CDKAL1: variants seen among roughly 807,000 people sequenced by gnomAD.
The protein encoded by CDKAL1 is CDKAL1 threonylcarbamoyladenosine tRNA methylthiotransferase, also known as threonylcarbamoyladenosine tRNA methylthiotransferase.
In CDKAL1, 32 loss-of-function variants were observed where a neutral mutation model predicts 68.2. The ratio of observed to expected loss-of-function variants is 0.47; its 90% CI spans 0.35 to 0.63. CDKAL1 has a LOEUF of 0.63. CDKAL1 is among the 30% of genes least tolerant of loss of function. The probability of loss-of-function intolerance (pLI) is 0.00; values close to 1 mark genes in which losing one functional copy is unlikely to be tolerated. For missense variants in CDKAL1, 606 were observed against 696.7 expected, an observed-to-expected ratio of 0.87 and a Z score of 1.47; for synonymous variants, 234 against 244.3, an observed-to-expected ratio of 0.96 and a Z score of 0.39.
At chr6:21,156,431 A>G (rs1402276682) in intron 13 of CDKAL1, among the ~76,000 whole-genome samples, 3 of 151,474 alleles carry the variant, frequency 2.0e-5, no homozygotes, top group Non-Finnish European at 4.4e-5. Context: ...CTCCAAAAAA[A>G]AAAAAAAAAA....
At chr6:20,936,110 C>A (rs550393917) in intron 9 of CDKAL1, among the ~76,000 whole-genome samples, 1 of 152,192 alleles carries the variant, frequency 6.6e-6, no homozygotes, top group South Asian at 2.1e-4. Flanking sequence ...TTATTCTTTT[C>A]TAATGCCTGC....
At chr6:21,217,579 C>A (rs1345812950) in intron 15 of CDKAL1, among the ~76,000 whole-genome samples, 1 of 152,088 alleles carries the variant, frequency 6.6e-6, no homozygotes, top group Non-Finnish European at 1.5e-5. Context: ...CTCACTGCAA[C>A]CTCTGCCTCC....
chr6:21,003,371 T>TATATATACAC lies in CDKAL1; in HGVS notation c.1055+3000_1055+3001insTATATACACA. Among the ~76,000 whole-genome samples, 50 of 49,276 alleles carry TATATATACAC rather than the reference T, an allele frequency of 1.0e-3. 1 individual carries two copies. The highest frequency in any genetic ancestry group is 6.0e-3 in the East Asian group (7 of 1,162). The allele number at this position is 49,276 out of a possible 152,430, so 32.3% of individuals were successfully genotyped here. The stretch of plus-strand genomic sequence containing the variant: ...ATATATATATATATATATATATATA[T>TATATATACAC]ACACACACACACACACACATATATA... On this transcript the variant is annotated intron_variant, in intron 11 of 15. Coordinates refer to ENST00000274695, the MANE Select transcript of CDKAL1 (RefSeq NM_017774.3).
At chr6:20,987,076 G>C (rs1237725032) in intron 10 of CDKAL1, among the ~76,000 whole-genome samples, 1 of 152,120 alleles carries the variant, frequency 6.6e-6, no homozygotes, top group African/African-American at 2.4e-5. Flanking sequence ...TTTGTCTATA[G>C]TTGATTGGTT....
At chr6:20,554,262 T>G (rs975640761) in intron 4 of CDKAL1, among the ~76,000 whole-genome samples, 2 of 152,356 alleles carry the variant, frequency 1.3e-5, no homozygotes, top group Non-Finnish European at 2.9e-5. Flanking sequence ...ATAATTAGAT[T>G]AGTATCTTGG....
intron 11 of CDKAL1, among the ~76,000 whole-genome samples, chr6:21,039,878 C>T (rs1300008239): frequency 6.6e-6 from 1 of 152,066 alleles, no homozygotes; most frequent in African/African-American, 2.4e-5. Flanking sequence ...CCATGCATGA[C>T]AGTTTTAATG....
At chr6:21,127,330 T>C (rs1039419755) in intron 13 of CDKAL1, among the ~76,000 whole-genome samples, 9 of 152,354 alleles carry the variant, frequency 5.9e-5, no homozygotes, top group East Asian at 1.9e-4. Flanking sequence ...TTGAGTAATA[T>C]ATATTTAATT....
intron 4 of CDKAL1, among the ~76,000 whole-genome samples, chr6:20,586,646 A>C (rs948288659): frequency 6.6e-6 from 1 of 152,192 alleles, no homozygotes. Flanking sequence ...CAAAACAAAC[A>C]TAAAAAAAGG....
chr6:20,923,253 T>A (rs1581837879), intron 9 of CDKAL1, among the ~76,000 whole-genome samples: 1 of 152,164 alleles, frequency 6.6e-6, no homozygotes, highest in African/African-American at 2.4e-5. Flanking sequence ...GTATACCTCC[T>A]TTTATTGCAC....
intron 4 of CDKAL1, among the ~76,000 whole-genome samples, chr6:20,592,718 C>T (rs1477217578): frequency 1.3e-5 from 2 of 152,222 alleles, no homozygotes; most frequent in Admixed American, 6.5e-5. Context: ...CCACCCGCCT[C>T]GGCTTCCCAA....
At chr6:20,720,129 A>G (rs1772274496) in intron 5 of CDKAL1, among the ~76,000 whole-genome samples, 1 of 152,138 alleles carries the variant, frequency 6.6e-6, no homozygotes, top group Admixed American at 6.5e-5. Flanking sequence ...CTTATGGCAT[A>G]GGGAAGTTAC....
chr6:20,864,092 A>G (rs368878927), intron 9 of CDKAL1, among the ~76,000 whole-genome samples: 1 of 152,172 alleles, frequency 6.6e-6, no homozygotes, highest in Non-Finnish European at 1.5e-5. Flanking sequence ...AATTTCACTT[A>G]CCGTATTAGC....
intron 8 of CDKAL1, among the ~76,000 whole-genome samples, chr6:20,826,062 A>T (rs1777491172): frequency 6.6e-6 from 1 of 152,166 alleles, no homozygotes; most frequent in South Asian, 2.1e-4. Flanking sequence ...TTTCAAACAG[A>T]ACCTTGCTTA....
chr6:20,907,186 A>G (rs75374516), intron 9 of CDKAL1, among the ~76,000 whole-genome samples: 4,045 of 152,280 alleles, frequency 0.027, 178 homozygotes, highest in African/African-American at 0.088. Flanking sequence ...GAATCATTCA[A>G]TATGTCTTAA....
chr6:20,696,066 C>T (rs140152313), intron 5 of CDKAL1, among the ~76,000 whole-genome samples: 1 of 152,332 alleles, frequency 6.6e-6, no homozygotes, highest in Non-Finnish European at 1.5e-5. Context: ...TTGTAAAAGC[C>T]ATTGCCACAT....
chr6:20,560,690 C>T (rs1364938796), intron 4 of CDKAL1, among the ~76,000 whole-genome samples: 2 of 152,104 alleles, frequency 1.3e-5, no homozygotes, highest in Non-Finnish European at 2.9e-5. Flanking sequence ...TTAAAAATTT[C>T]CCACCAATTC....
chr6:20,579,482 A>G (rs759188742), intron 4 of CDKAL1, among the ~76,000 whole-genome samples: 10 of 152,230 alleles, frequency 6.6e-5, no homozygotes, highest in Non-Finnish European at 1.0e-4. Context: ...ACCAGCACAT[A>G]TGTAATACCT....
chr6:21,149,243 G>A (rs968591351), intron 13 of CDKAL1, among the ~76,000 whole-genome samples: 1 of 152,016 alleles, frequency 6.6e-6, no homozygotes, highest in Admixed American at 6.5e-5. Flanking sequence ...AGGTTCAAGC[G>A]TTTCTCCTGC....
At chr6:21,098,783 A>G (rs1297929713) in intron 12 of CDKAL1, among the ~76,000 whole-genome samples, 1 of 152,110 alleles carries the variant, frequency 6.6e-6, no homozygotes, top group Non-Finnish European at 1.5e-5. Context: ...AATTTAATAC[A>G]TGGAGATGGT....
Sources: gnomAD v4.1 joint callset for allele counts (sites outside exome capture counted in the v4.1 genomes callset) on GRCh38, gnomAD v4.1.1 for gene constraint, MANE v1.5 for transcripts, NCBI Gene and HGNC (gene_info 2026-07-23, HGNC 2026-07-21) for gene names.